The following ZMYND12 variants were observed in gnomAD, a reference collection of about 807,000 sequenced individuals.
ZMYND12 encodes zinc finger MYND-type containing 12, also known as zinc finger MYND domain-containing protein 12.
In ZMYND12, 32 loss-of-function variants were observed where a neutral mutation model predicts 41.7. The observed-to-expected ratio is 0.77, with a 90% CI of 0.58 to 1.03. ZMYND12 has a LOEUF of 1.03. Ranked by LOEUF, ZMYND12 falls within the 50% of genes least tolerant of loss-of-function variation. The probability of loss-of-function intolerance (pLI) is 0.00; values close to 1 mark genes in which losing one functional copy is unlikely to be tolerated. For missense variants in ZMYND12, 424 were observed against 438.5 expected, an observed-to-expected ratio of 0.97 and a Z score of 0.30; for synonymous variants, 148 against 164.8, an observed-to-expected ratio of 0.90 and a Z score of 0.78.
chr1:42,450,075 T>C lies in ZMYND12; in HGVS notation c.111-16A>G, dbSNP rs1203210300. The C allele has an allele frequency of 4.3e-6, 7 of 1,612,864 alleles. No homozygotes were observed. The highest frequency in any genetic ancestry group is 1.7e-5 in the Admixed American group (1 of 60,024). On this transcript the variant is annotated splice_polypyrimidine_tract_variant and intron_variant, in intron 1 of 7. Coordinates refer to ENST00000372565, the MANE Select transcript of ZMYND12 (RefSeq NM_032257.5). ...TACCACCCCACTGACAACGGAAACA[T>C]AGACTTTATGATCTTTATATTTGGC...
At chr1:42,448,442 A>G in intron 3 of ZMYND12, 25 bp downstream of exon 3, 1 of 1,556,564 alleles carries the variant, frequency 6.4e-7, no homozygotes, top group Non-Finnish European at 8.7e-7. Context: ...AAGGGATCCA[A>G]GGATCTCAAG....
intron 3 of ZMYND12, among the ~76,000 whole-genome samples, chr1:42,442,380 G>A (rs2148407359): frequency 6.6e-6 from 1 of 152,258 alleles, no homozygotes; most frequent in South Asian, 2.1e-4. Context: ...AAGTAAAATG[G>A]ACAACACACG....
chr1:42,439,720 C>A, intron 4 of ZMYND12, 136 bp downstream of exon 4: 1 of 924,458 alleles, frequency 1.1e-6, no homozygotes, highest in Non-Finnish European at 1.6e-6. Flanking sequence ...GCTAACATCC[C>A]ACCAAATAAT....
At chr1:42,454,112 G>A (rs1643115711) in intron 1 of ZMYND12, among the ~76,000 whole-genome samples, 1 of 152,178 alleles carries the variant, frequency 6.6e-6, no homozygotes, top group Admixed American at 6.5e-5. Flanking sequence ...GAGGTTCCTA[G>A]CAGAGAGAAC....
chr1:42,430,614 C>A lies in ZMYND12; in HGVS notation c.*122G>T, dbSNP rs187901359. ...AAAAAATAACAGCTATGTGTGCAATCCCAGGGGAAGAGGGTGGAAACTTCA... is the reference window on the plus strand; with the variant it reads ...AAAAAATAACAGCTATGTGTGCAATACCAGGGGAAGAGGGTGGAAACTTCA... On this transcript the variant is annotated 3_prime_UTR_variant, in exon 8 of 8. Coordinates refer to ENST00000372565, the MANE Select transcript of ZMYND12 (RefSeq NM_032257.5). The A allele has an allele frequency of 1.6e-3, 2,157 of 1,319,944 alleles. 2 individuals are homozygous for A. Among genetic ancestry groups the A allele is most frequent in the Non-Finnish European group, 2.1e-3 (1,981 of 958,838 alleles). 81.8% of individuals were successfully genotyped at this position (1,319,944 alleles called of 1,614,324 possible). A position where few individuals can be genotyped will look rare whatever the true frequency, so the allele number is the denominator to read the frequency against.
At chr1:42,452,286 G>C (rs796076926) in intron 1 of ZMYND12, among the ~76,000 whole-genome samples, 3 of 152,326 alleles carry the variant, frequency 2.0e-5, no homozygotes, top group African/African-American at 7.2e-5. Flanking sequence ...TCAAGAACAG[G>C]AAGCAATAGT....
Position 42,448,551 on chromosome 1 carries a change from A to G in ZMYND12, c.340T>C (p.Ser114Pro). 1 of 1,613,956 alleles carries G rather than the reference A, an allele frequency of 6.2e-7. No homozygotes were observed. Among genetic ancestry groups the G allele is most frequent in the East Asian group, 2.2e-5 (1 of 44,862 alleles). The change falls in exon 3 of 8, where the codon TCC becomes CCC. Residue 114 changes from serine to proline, a missense_variant. Physicochemically the swap from Ser to Pro is moderately conservative, Grantham distance 74 (BLOSUM62 -1). Coordinates refer to ENST00000372565, the MANE Select transcript of ZMYND12 (RefSeq NM_032257.5). ...HEDAVPAALQSLRFRVKLYGL... is the reference protein window; with the variant it reads ...HEDAVPAALQPLRFRVKLYGL... ...TACAGCTTCACACGGAAGCGAAGGG[A>G]CTGCAAAGCTGCTGGTACAGCATCT...
chr1:42,450,148 C>G, intron 1 of ZMYND12, 89 bp from the exon 2 acceptor site: 6 of 1,485,650 alleles, frequency 4.0e-6, no homozygotes, highest in Non-Finnish European at 5.5e-6. Context: ...CCCTAGACAC[C>G]AGAAAAGTAA....
rs1342617014 is a variant in ZMYND12 at position 42,436,470 on chromosome 1, A to G, written c.668T>C (p.Ile223Thr). 5 of 1,613,752 alleles carry G rather than the reference A, an allele frequency of 3.1e-6. No individual in the cohort carries two copies. In the African/African-American group the frequency reaches 4.0e-5, roughly 13 times the overall value. The change falls in exon 5 of 8, where the codon ATA (isoleucine) becomes ACA (threonine). Residue 223 changes from isoleucine (I) to threonine (T), a missense_variant. Transcript: ENST00000372565. ...TSGGYFHLANIFYDLKKLDLA... is the reference protein window; with the variant it reads ...TSGGYFHLANTFYDLKKLDLA... ...GTCCAACTTTTTAAGGTCATAGAAT[A>G]TATTAGCCAGGTGGAAGTAGCCTCC...
intron 7 of ZMYND12, among the ~76,000 whole-genome samples, chr1:42,431,548 A>G (rs1642849607): frequency 6.6e-6 from 1 of 152,194 alleles, no homozygotes; most frequent in African/African-American, 2.4e-5. Flanking sequence ...CTGAAAAGAA[A>G]ACAGCTGAGT....
At chr1:42,450,257 T>C (rs536344024) in intron 1 of ZMYND12, among the ~76,000 whole-genome samples, 198 bp from the exon 2 acceptor site, 5 of 152,312 alleles carry the variant, frequency 3.3e-5, no homozygotes, top group African/African-American at 9.6e-5. Context: ...TGTGTTGGGA[T>C]TGGAGAGTAT....
chr1:42,446,146 G>T (rs905429415), intron 3 of ZMYND12, among the ~76,000 whole-genome samples: 3 of 152,166 alleles, frequency 2.0e-5, no homozygotes, highest in Non-Finnish European at 2.9e-5. Context: ...CATGGAGCGG[G>T]AAGAGGTATC....
chr1:42,453,451 T>C (rs1018363892), intron 1 of ZMYND12, among the ~76,000 whole-genome samples: 1 of 152,192 alleles, frequency 6.6e-6, no homozygotes, highest in Non-Finnish European at 1.5e-5. Flanking sequence ...GATCAAAAGT[T>C]AGCATACTTG....
At chr1:42,449,846 A>C in intron 2 of ZMYND12, 72 bp downstream of exon 2, 1 of 1,576,440 alleles carries the variant, frequency 6.3e-7, no homozygotes, top group Non-Finnish European at 8.6e-7. Flanking sequence ...TGATCCCAAC[A>C]CAGTTCGAGC....
intron 6 of ZMYND12, among the ~76,000 whole-genome samples, chr1:42,434,888 A>C (rs1642889878): frequency 6.6e-6 from 1 of 151,642 alleles, no homozygotes; most frequent in Non-Finnish European, 1.5e-5. Context: ...CATTCCTCCC[A>C]CGCCCCCCAG....
intron 6 of ZMYND12, 63 bp downstream of exon 6, chr1:42,435,211 C>CA (rs1642893768): frequency 7.9e-7 from 1 of 1,273,754 alleles, no homozygotes; most frequent in African/African-American, 1.5e-5. Context: ...CTCTTAGGGA[C>CA]AAGGTCTGTG....
At chr1:42,445,431 TAAA>T (rs573648674) in intron 3 of ZMYND12, among the ~76,000 whole-genome samples, 6 of 106,672 alleles carry the variant, frequency 5.6e-5, no homozygotes, top group East Asian at 2.6e-4. Flanking sequence ...GGACTCCGTC[TAAA>T]AAAAAAAAAA....
At chr1:42,447,517 T>G (rs188925330) in intron 3 of ZMYND12, among the ~76,000 whole-genome samples, 1 of 152,276 alleles carries the variant, frequency 6.6e-6, no homozygotes, top group East Asian at 1.9e-4. Context: ...TTCGAGAAAC[T>G]TGAATGGGGT....
chr1:42,450,722 A>T (rs1643074297), intron 1 of ZMYND12, among the ~76,000 whole-genome samples: 1 of 152,194 alleles, frequency 6.6e-6, no homozygotes, highest in African/African-American at 2.4e-5. Context: ...AATTCATATG[A>T]GTACTAAATT....
Sources: gnomAD v4.1 joint callset for allele counts (sites outside exome capture counted in the v4.1 genomes callset) on GRCh38, gnomAD v4.1.1 for gene constraint, MANE v1.5 for transcripts, NCBI Gene and HGNC (gene_info 2026-07-23, HGNC 2026-07-21) for gene names.